GPR176: variants seen among roughly 807,000 people sequenced by gnomAD.
GPR176 encodes G-protein coupled receptor 176.
GPR176 carries 26 observed loss-of-function variants against 35.4 expected under a neutral mutation model. The ratio of observed to expected loss-of-function variants is 0.74; its 90% CI spans 0.54 to 1.02. The LOEUF (loss-of-function observed/expected upper bound fraction) is 1.02, where lower values mean the gene tolerates loss of function less well. Among genes scored for constraint, GPR176 ranks in the 50% least tolerant of loss-of-function variants. GPR176 has a pLI of 0.00. For synonymous variants in GPR176, 278 were observed against 271.3 expected (o/e 1.02, Z -0.24); for missense variants, 597 against 665.3 (o/e 0.90, Z 1.13).
At chr15:39,873,866 G>A (rs1231241407) in intron 1 of GPR176, among the ~76,000 whole-genome samples, 1 of 151,888 alleles carries the variant, frequency 6.6e-6, no homozygotes, top group African/African-American at 2.4e-5. Flanking sequence ...AAGCAGAAAA[G>A]TACAAAGTCA....
chr15:39,884,903 T>C (rs572078707), intron 1 of GPR176, among the ~76,000 whole-genome samples: 96 of 152,132 alleles, frequency 6.3e-4, no homozygotes, highest in African/African-American at 2.1e-3. Context: ...AAAACCGGGG[T>C]CCTTTAAATA....
intron 1 of GPR176, among the ~76,000 whole-genome samples, chr15:39,843,657 T>C (rs578100783): frequency 2.0e-5 from 3 of 152,286 alleles, no homozygotes; most frequent in African/African-American, 7.2e-5. Flanking sequence ...TAAGATGTCA[T>C]CTGGGTTTAT....
chr15:39,864,732 TAATC>T (rs1332070191), intron 1 of GPR176, among the ~76,000 whole-genome samples: 1 of 151,660 alleles, frequency 6.6e-6, no homozygotes, highest in Non-Finnish European at 1.5e-5. Flanking sequence ...TACAGCAAAA[TAATC>T]AAGAGTGAAC....
chr15:39,878,900 A>G (rs1168938729), intron 1 of GPR176, among the ~76,000 whole-genome samples: 1 of 152,268 alleles, frequency 6.6e-6, no homozygotes, highest in African/African-American at 2.4e-5. Context: ...AACACTGAAG[A>G]AACCCCTATG....
At chr15:39,874,958 C>A (rs2032187240) in intron 1 of GPR176, among the ~76,000 whole-genome samples, 1 of 152,236 alleles carries the variant, frequency 6.6e-6, no homozygotes, top group Non-Finnish European at 1.5e-5. Flanking sequence ...CATGAGATCA[C>A]TTGAACCTGG....
Position 39,800,846 on chromosome 15 carries a change from C to T in GPR176, c.*286G>A, listed in dbSNP as rs1306099451. ...ATCCTCAGAAAGTGCACATGGGGTACCCACCTCAAGACCCATTCAAAACTG... is the reference window on the plus strand; with the variant it reads ...ATCCTCAGAAAGTGCACATGGGGTATCCACCTCAAGACCCATTCAAAACTG... On this transcript the variant is annotated 3_prime_UTR_variant, in exon 3 of 3. Transcript: ENST00000561100. 2 of 322,776 alleles carry T rather than the reference C, an allele frequency of 6.2e-6. No individual in the cohort carries two copies. Among genetic ancestry groups the T allele is most frequent in the Non-Finnish European group, 1.2e-5 (2 of 173,222 alleles). The allele number at this position is 322,776 out of a possible 1,614,324, so 20.0% of individuals were successfully genotyped here.
intron 1 of GPR176, among the ~76,000 whole-genome samples, chr15:39,867,702 A>C (rs939414834): frequency 2.0e-5 from 3 of 152,190 alleles, no homozygotes; most frequent in African/African-American, 7.2e-5. Context: ...ACAGCGGAGA[A>C]AGAGCAGATC....
At chr15:39,885,136 C>T (rs1010610224) in intron 1 of GPR176, among the ~76,000 whole-genome samples, 1 of 152,104 alleles carries the variant, frequency 6.6e-6, no homozygotes, top group Admixed American at 6.5e-5. Context: ...ACCCATATTT[C>T]CCCAAAAGGA....
intron 1 of GPR176, among the ~76,000 whole-genome samples, chr15:39,832,137 T>C (rs1276356579): frequency 3.9e-5 from 6 of 152,080 alleles, no homozygotes; most frequent in Non-Finnish European, 5.9e-5. Flanking sequence ...CATTAGCCAT[T>C]AGATAAATGC....
chr15:39,888,256 G>A (rs1260542957), intron 1 of GPR176, among the ~76,000 whole-genome samples: 1 of 149,672 alleles, frequency 6.7e-6, no homozygotes, highest in Non-Finnish European at 1.5e-5. Flanking sequence ...TTTTTTTGGG[G>A]GGTGAAGGGA....
intron 1 of GPR176, among the ~76,000 whole-genome samples, chr15:39,864,697 C>T (rs918772836): frequency 1.3e-5 from 2 of 152,010 alleles, no homozygotes; most frequent in African/African-American, 2.4e-5. Context: ...ACAAATGGGA[C>T]TTAACCCAAC....
At chr15:39,838,426 CTTAA>C (rs1425686328) in intron 1 of GPR176, among the ~76,000 whole-genome samples, 8 of 152,178 alleles carry the variant, frequency 5.3e-5, no homozygotes, top group Admixed American at 6.5e-5. Context: ...CTTACTGATT[CTTAA>C]TTAGTCTAAA....
intron 1 of GPR176, among the ~76,000 whole-genome samples, chr15:39,910,394 C>T (rs1322073615): frequency 6.6e-6 from 1 of 151,914 alleles, no homozygotes. Context: ...TTAAGACCAG[C>T]CTGACCAACA....
intron 1 of GPR176, among the ~76,000 whole-genome samples, chr15:39,858,421 A>T (rs543204700): frequency 6.6e-6 from 1 of 152,216 alleles, no homozygotes; most frequent in Admixed American, 6.5e-5. Context: ...AGAAAAAAAA[A>T]ATACCATTGA....
intron 1 of GPR176, among the ~76,000 whole-genome samples, chr15:39,853,777 C>T (rs180815587): frequency 6.6e-6 from 1 of 152,038 alleles, no homozygotes; most frequent in Non-Finnish European, 1.5e-5. Context: ...TCACAAAGCA[C>T]AAGACATCCC....
At chr15:39,863,824 T>C (rs895911835) in intron 1 of GPR176, among the ~76,000 whole-genome samples, 3 of 152,182 alleles carry the variant, frequency 2.0e-5, no homozygotes, top group African/African-American at 7.2e-5. Flanking sequence ...GGCTGTACCA[T>C]CTAGGTTTTT....
chr15:39,885,705 T>C (rs1042462472), intron 1 of GPR176, among the ~76,000 whole-genome samples: 7 of 152,218 alleles, frequency 4.6e-5, no homozygotes, highest in Non-Finnish European at 1.5e-5. Flanking sequence ...TGGATCTTGT[T>C]ATATGTAAGA....
chr15:39,876,033 C>T (rs1348233832), intron 1 of GPR176, among the ~76,000 whole-genome samples: 1 of 151,046 alleles, frequency 6.6e-6, no homozygotes, highest in Non-Finnish European at 1.5e-5. Flanking sequence ...CACCTGTAGT[C>T]CCAGCTATAC....
intron 1 of GPR176, among the ~76,000 whole-genome samples, chr15:39,809,772 T>C (rs1165947767): frequency 1.3e-5 from 2 of 152,178 alleles, no homozygotes; most frequent in Non-Finnish European, 2.9e-5. Context: ...AGTGGTGACA[T>C]TGGTACAAGT....
Sources: gnomAD v4.1 joint callset for allele counts (sites outside exome capture counted in the v4.1 genomes callset) on GRCh38, gnomAD v4.1.1 for gene constraint, MANE v1.5 for transcripts, NCBI Gene and HGNC (gene_info 2026-07-23, HGNC 2026-07-21) for gene names.